Variants in STK11 observed in about 807,000 individuals in gnomAD.
STK11 encodes serine/threonine-protein kinase STK11.
Under a neutral mutation model 47.3 loss-of-function variants are expected in STK11, and 8 were observed. The ratio of observed to expected loss-of-function variants is 0.17; its 90% CI spans 0.10 to 0.31. The LOEUF (loss-of-function observed/expected upper bound fraction) is 0.31, where lower values mean the gene tolerates loss of function less well. Among genes scored for constraint, STK11 ranks in the 10% least tolerant of loss-of-function variants. The probability of loss-of-function intolerance (pLI) is 1.00; values close to 1 mark genes in which losing one functional copy is unlikely to be tolerated. For synonymous variants in STK11, 330 were observed against 255.8 expected, an observed-to-expected ratio of 1.29 and a Z score of -2.77; for missense variants, 475 against 605.0, an observed-to-expected ratio of 0.79 and a Z score of 2.25.
intron 8 of STK11, chr19:1,226,149 C>G (rs765312076): frequency 4.1e-6 from 5 of 1,224,718 alleles, no homozygotes; most frequent in Non-Finnish European, 5.1e-6. Flanking sequence ...AGCTTGCCTC[C>G]TACTCGTGAG....
intron 8 of STK11, chr19:1,225,265 G>A (rs2080812875): frequency 2.0e-6 from 2 of 985,060 alleles, no homozygotes; most frequent in African/African-American, 3.5e-5. Context: ...CCTCACCAAG[G>A]TCTTTTTTAT....
chr19:1,214,848 C>A (rs1277239286), intron 1 of STK11, among the ~76,000 whole-genome samples: 1 of 152,190 alleles, frequency 6.6e-6, no homozygotes, highest in Admixed American at 6.5e-5. Flanking sequence ...CCTTCCCTGC[C>A]GGTAGCCGGC....
chr19:1,220,740 C>A (rs1361047910), intron 5 of STK11, 23 bp downstream of exon 5: 1 of 1,598,202 alleles, frequency 6.3e-7, no homozygotes. Context: ...CCCCCCCGGG[C>A]ACTCACCACA....
At chr19:1,215,042 G>T (rs2080736123) in intron 1 of STK11, among the ~76,000 whole-genome samples, 1 of 152,224 alleles carries the variant, frequency 6.6e-6, no homozygotes, top group African/African-American at 2.4e-5. Context: ...TTCATCAGCG[G>T]GGGAGGTTAG....
chr19:1,210,709 A>G (rs1317952128), intron 1 of STK11, among the ~76,000 whole-genome samples: 1 of 152,092 alleles, frequency 6.6e-6, no homozygotes, highest in Non-Finnish European at 1.5e-5. Context: ...CTAAAAATAC[A>G]AAATTAGCTG....
intron 1 of STK11, among the ~76,000 whole-genome samples, chr19:1,208,814 G>C (rs2080689022): frequency 6.7e-6 from 1 of 148,736 alleles, no homozygotes; most frequent in Non-Finnish European, 1.5e-5. Context: ...GTAGAGACGG[G>C]GTTTCACCAT....
In STK11 at chr19:1,206,977, A is replaced by G. The variant is rs1174992777; in HGVS notation, c.64A>G (p.Met22Val). The G allele has an allele frequency of 6.2e-7, 1 of 1,612,222 alleles. No homozygotes were observed. The change falls in exon 1 of 10, where the codon ATG (methionine) becomes GTG (valine). Residue 22 changes from methionine to valine, a missense_variant. Around this residue, in one of 5 missense-constraint regions of STK11, gnomAD observed 47 missense variants for 103.7 expected, o/e 0.45. Coordinates refer to ENST00000326873, the MANE Select transcript of STK11 (RefSeq NM_000455.5). ...FTEGELMSVG[M>V]DTFIHRIDST... ...GGAGGGCGAGCTGATGTCGGTGGGT[A>G]TGGACACGTTCATCCACCGCATCGA...
Position 1,206,650 on chromosome 19 carries a change from T to C in STK11, c.-264T>C, listed in dbSNP as rs2080667211. The C allele has an allele frequency of 1.9e-6, 1 of 526,506 alleles. No individual in the cohort carries two copies. Among genetic ancestry groups the C allele is most frequent in the Non-Finnish European group, 3.3e-6 (1 of 298,894 alleles). The allele number at this position is 526,506 out of a possible 1,614,324, so 32.6% of individuals were successfully genotyped here. On this transcript the variant is annotated 5_prime_UTR_variant, in exon 1 of 10. Transcript: ENST00000326873. ...TCTGAGGCCCGGGTCCCACTGGAAC[T>C]CGCGTCTGAGCCGCCGTCCCGGACC... is the stretch of plus-strand genomic sequence containing the variant.
rs1457309411 is a variant in STK11, at chr19:1,227,620, C to T, written c.*44C>T. 2 of 1,066,224 alleles carry T rather than the reference C, an allele frequency of 1.9e-6. No homozygotes were observed. Among genetic ancestry groups the T allele is most frequent in the Non-Finnish European group, 2.3e-6 (2 of 879,884 alleles). 66.0% of individuals were successfully genotyped at this position (1,066,224 alleles called of 1,614,324 possible). ...CGTGTCCAGGAGCCCCGCCAGGTGCCCGCGCCAGGCCCTCAGTCTTCCTGC... is the reference window on the plus strand; with the variant it reads ...CGTGTCCAGGAGCCCCGCCAGGTGCTCGCGCCAGGCCCTCAGTCTTCCTGC... On this transcript the variant is annotated 3_prime_UTR_variant, in exon 10 of 10. Transcript: ENST00000326873.
chr19:1,216,317 G>C (rs1363140648), intron 1 of STK11: 1 of 172,282 alleles, frequency 5.8e-6, no homozygotes, highest in Non-Finnish European at 1.3e-5. Flanking sequence ...GCTTGTCCTG[G>C]ATATTGCATA....
chr19:1,211,396 G>A (rs910555544), intron 1 of STK11, among the ~76,000 whole-genome samples: 1 of 152,084 alleles, frequency 6.6e-6, no homozygotes, highest in Non-Finnish European at 1.5e-5. Flanking sequence ...TGCCCAGCCC[G>A]ACTCCCCGTG....
At position 1,218,401 on chromosome 19, in the gene STK11, G is replaced by A. The variant is rs2145420448; in HGVS notation, c.291-16G>A. ...ACGTTGGGTCGGCTGATACACCCCT[G>A]TCCTCTCTGTCCCAGGGAAATTCAA... is the stretch of plus-strand genomic sequence containing the variant. On this transcript the variant is annotated splice_polypyrimidine_tract_variant and intron_variant, in intron 1 of 9. Coordinates refer to ENST00000326873, the MANE Select transcript of STK11 (RefSeq NM_000455.5). 1.2e-6 allele frequency: 2 copies of A among 1,611,276 alleles called. No individual in the cohort carries two copies. The highest frequency in any genetic ancestry group is 1.7e-6 in the Non-Finnish European group (2 of 1,177,762).
In STK11 at chr19:1,227,817, G is replaced by A; in HGVS notation, c.*241G>A. On this transcript the variant is annotated 3_prime_UTR_variant, in exon 10 of 10. Coordinates refer to ENST00000326873, the MANE Select transcript of STK11 (RefSeq NM_000455.5). ...CGGCTTGTTGACTTCGCAGCCCCGGGCGGAGCCTTCCCGGGCGGGCGTGGG... is the reference window on the plus strand; with the variant it reads ...CGGCTTGTTGACTTCGCAGCCCCGGACGGAGCCTTCCCGGGCGGGCGTGGG... The A allele has an allele frequency of 9.3e-7, 1 of 1,072,294 alleles. No homozygotes were observed. The highest frequency in any genetic ancestry group is 1.1e-6 in the Non-Finnish European group (1 of 883,588). 66.4% of individuals were successfully genotyped at this position (1,072,294 alleles called of 1,614,324 possible).
chr19:1,224,073 C>T (rs1307509977), intron 8 of STK11: 3 of 999,280 alleles, frequency 3.0e-6, no homozygotes, highest in East Asian at 1.6e-4. Flanking sequence ...GCAGAGAGCC[C>T]CCCATTAGGT....
chr19:1,216,863 C>CTGTG (rs1033919460), intron 1 of STK11, among the ~76,000 whole-genome samples: 6 of 151,410 alleles, frequency 4.0e-5, no homozygotes, highest in Non-Finnish European at 8.8e-5. Context: ...GCATCACACA[C>CTGTG]TGTGTGTCCT....
In STK11 at chr19:1,207,109, G is replaced by A. The variant is rs1599915144; in HGVS notation, c.196G>A (p.Val66Met). The stretch of plus-strand genomic sequence containing the variant: ...AGGCTCTTACGGCAAGGTGAAGGAG[G>A]TGCTGGACTCGGAGACGCTGTGCAG... Reference protein sequence around the residue: ...GEGSYGKVKEVLDSETLCRRA... With the variant: ...GEGSYGKVKEMLDSETLCRRA... The change falls in exon 1 of 10, where the codon GTG (valine) becomes ATG (methionine). Residue 66 changes from valine (V) to methionine (M), a missense_variant. By Grantham distance (21) the Val-to-Met change is conservative. Around this residue, in one of 5 missense-constraint regions of STK11, gnomAD observed 47 missense variants for 103.7 expected, o/e 0.45. Coordinates refer to ENST00000326873, the MANE Select transcript of STK11 (RefSeq NM_000455.5). 6.2e-7 allele frequency: 1 copy of A among 1,613,952 alleles called. No homozygotes were observed. The highest frequency in any genetic ancestry group is 8.5e-7 in the Non-Finnish European group (1 of 1,179,882).
chr19:1,226,332 C>CG, intron 8 of STK11, 122 bp from the exon 9 acceptor site: 2 of 1,495,778 alleles, frequency 1.3e-6, no homozygotes, highest in Non-Finnish European at 8.9e-7. Context: ...GGGCCTGACC[C>CG]GGGGGCGGGC....
At chr19:1,209,715 C>G (rs8111699) in intron 1 of STK11, among the ~76,000 whole-genome samples, 81,410 of 151,940 alleles carry the variant, frequency 0.54, 22,805 homozygotes, top group East Asian at 0.98. Context: ...AGTGAGCCCC[C>G]TGCTTTCCTG....
At chr19:1,213,414 T>A (rs996385755) in intron 1 of STK11, among the ~76,000 whole-genome samples, 1 of 152,198 alleles carries the variant, frequency 6.6e-6, no homozygotes, top group African/African-American at 2.4e-5. Context: ...AAACCCCGTC[T>A]CTGTCAGCCA....
Sources: allele counts gnomAD v4.1 joint callset (sites outside exome capture counted in the v4.1 genomes callset), GRCh38; gene constraint gnomAD v4.1.1; regional missense constraint gnomAD v4.1.1; transcripts MANE v1.5; gene names NCBI Gene and HGNC (gene_info 2026-07-23, HGNC 2026-07-21).